OR3A2: variants seen among roughly 807,000 people sequenced by gnomAD.
OR3A2 encodes olfactory receptor 3A2.
For synonymous variants in OR3A2, 126 were observed against 159.3 expected (o/e 0.79, Z 1.57); for missense variants, 318 against 392.8 (o/e 0.81, Z 1.61).
downstream of OR3A2, among the ~76,000 whole-genome samples, chr17:3,276,175 A>C (rs1294991802): frequency 6.6e-6 from 1 of 152,184 alleles, no homozygotes; most frequent in Non-Finnish European, 1.5e-5. Context: ...AAATAACCCA[A>C]ATTATAGAAA....
At chr17:3,378,660 C>T (rs1027612141) in intron 2 of OR3A2, among the ~76,000 whole-genome samples, 2 of 152,180 alleles carry the variant, frequency 1.3e-5, no homozygotes, top group Admixed American at 6.5e-5. Context: ...CTGGCATCCC[C>T]GCAGCAGCTG....
intron 2 of OR3A2, among the ~76,000 whole-genome samples, chr17:3,377,946 A>G (rs940937750): frequency 3.9e-5 from 6 of 151,914 alleles, no homozygotes; most frequent in Non-Finnish European, 8.8e-5. Flanking sequence ...TCCTAGGTAT[A>G]TAACAAGGAG....
intron 2 of OR3A2, among the ~76,000 whole-genome samples, chr17:3,372,964 C>G (rs1243919888): frequency 6.6e-6 from 1 of 150,490 alleles, no homozygotes; most frequent in Admixed American, 6.7e-5. Flanking sequence ...CCTCTTAGCA[C>G]TACTTTTGCT....
At chr17:3,375,604 G>A (rs1010537530) in intron 2 of OR3A2, among the ~76,000 whole-genome samples, 4 of 152,086 alleles carry the variant, frequency 2.6e-5, no homozygotes, top group African/African-American at 9.7e-5. Context: ...GCCTGGCCCA[G>A]TAATTTCTTC....
chr17:3,349,630 GAA>G (rs2049401828), intron 2 of OR3A2, among the ~76,000 whole-genome samples: 1 of 151,910 alleles, frequency 6.6e-6, no homozygotes, highest in South Asian at 2.1e-4. Context: ...CAACGAGACA[GAA>G]AGTCAACAAG....
chr17:3,315,755 G>GA (rs887871552), intron 3 of OR3A2, among the ~76,000 whole-genome samples: 1 of 141,250 alleles, frequency 7.1e-6, no homozygotes, highest in Non-Finnish European at 1.5e-5. Flanking sequence ...AAAATATGGG[G>GA]GGGGGGGCGG....
At chr17:3,375,139 C>CTCTT (rs1567572381) in intron 2 of OR3A2, among the ~76,000 whole-genome samples, 1 of 28,702 alleles carries the variant, frequency 3.5e-5, no homozygotes, top group Non-Finnish European at 6.7e-5. Context: ...AGCCTTCTTC[C>CTCTT]TTTTTTTTTT....
chr17:3,305,685 T>C (rs947627385), intron 3 of OR3A2, among the ~76,000 whole-genome samples: 2 of 152,224 alleles, frequency 1.3e-5, no homozygotes, highest in Admixed American at 6.5e-5. Context: ...TGAAGAATAA[T>C]ATATTACACG....
At chr17:3,292,331 C>T (rs2048882251) in intron 3 of OR3A2, 1 of 1,614,148 alleles carries the variant, frequency 6.2e-7, no homozygotes, top group Non-Finnish European at 8.5e-7. Flanking sequence ...GACGACTCAA[C>T]ATTGATGGAA....
At chr17:3,363,105 G>A (rs918963674) in intron 2 of OR3A2, among the ~76,000 whole-genome samples, 1 of 151,812 alleles carries the variant, frequency 6.6e-6, no homozygotes, top group Admixed American at 6.5e-5. Context: ...ATGCACTGGA[G>A]ACATTTTCCC....
intron 3 of OR3A2, among the ~76,000 whole-genome samples, chr17:3,305,755 C>A (rs1262658879): frequency 6.6e-6 from 1 of 152,118 alleles, no homozygotes. Context: ...AAATATCATA[C>A]CTTTTGTAAT....
chr17:3,360,056 A>T lies in OR3A2; in HGVS notation c.-179+23748T>A, dbSNP rs183399793. 9.2e-3 allele frequency among the ~76,000 whole-genome samples: 1,393 copies of T among 151,776 alleles called. 68 individuals carry two copies. The highest frequency in any genetic ancestry group is 0.032 in the African/African-American group (1,327 of 41,130). On this transcript the variant is annotated intron_variant, in intron 2 of 4. Transcript: ENST00000573491. Reference sequence around the variant, plus strand: ...CCACCAACAGTGTAAAAGTGTTCCTATTTCTCCACATCCTCTCCAGCACCT... The same window carrying T: ...CCACCAACAGTGTAAAAGTGTTCCTTTTTCTCCACATCCTCTCCAGCACCT...
At chr17:3,308,924 G>T in intron 3 of OR3A2, among the ~76,000 whole-genome samples, 1 of 46,434 alleles carries the variant, frequency 2.2e-5, no homozygotes, top group African/African-American at 1.0e-4. Context: ...TTTATTTTTT[G>T]AGACTGAGTC....
intron 2 of OR3A2, among the ~76,000 whole-genome samples, chr17:3,346,030 T>C (rs1481800663): frequency 2.0e-5 from 3 of 152,286 alleles, no homozygotes; most frequent in African/African-American, 4.8e-5. Flanking sequence ...CTAGGTGTTT[T>C]GTACTAAACC....
intron 2 of OR3A2, among the ~76,000 whole-genome samples, chr17:3,360,339 T>C (rs1597357779): frequency 1.3e-5 from 2 of 151,852 alleles, no homozygotes; most frequent in Admixed American, 1.3e-4. Flanking sequence ...ATGAGTAGAT[T>C]GCAAAAATTT....
intron 2 of OR3A2, among the ~76,000 whole-genome samples, chr17:3,352,015 C>A (rs2049423887): frequency 6.6e-6 from 1 of 152,022 alleles, no homozygotes; most frequent in Admixed American, 6.6e-5. Flanking sequence ...TTCCTTACAC[C>A]TTATACAAAA....
intron 3 of OR3A2, among the ~76,000 whole-genome samples, chr17:3,294,285 G>A (rs2048902739): frequency 6.6e-6 from 1 of 151,542 alleles, no homozygotes; most frequent in Non-Finnish European, 1.5e-5. Context: ...ATATGAGCTG[G>A]AAGAAGAAAG....
chr17:3,341,341 G>A (rs943603806), intron 2 of OR3A2, among the ~76,000 whole-genome samples: 1 of 152,186 alleles, frequency 6.6e-6, no homozygotes, highest in Non-Finnish European at 1.5e-5. Context: ...GTTAATTGAT[G>A]CAGTTTCTTC....
chr17:3,325,203 A>AT (rs61124691), intron 3 of OR3A2, among the ~76,000 whole-genome samples: 14,188 of 108,420 alleles, frequency 0.13, 1,226 homozygotes, highest in African/African-American at 0.22. Context: ...GATCCTTCCA[A>AT]TTTTTTTTTT....
Sources: allele counts gnomAD v4.1 joint callset (sites outside exome capture counted in the v4.1 genomes callset), GRCh38; gene constraint gnomAD v4.1.1; transcripts MANE v1.5; gene names NCBI Gene and HGNC (gene_info 2026-07-23, HGNC 2026-07-21).